Variants in ADAMTSL2 observed in about 807,000 individuals in gnomAD.
The protein encoded by ADAMTSL2 is ADAMTS like 2.
Under a neutral mutation model 117.0 loss-of-function variants are expected in ADAMTSL2, and 55 were observed. The ratio of observed to expected loss-of-function variants is 0.47; its 90% CI spans 0.38 to 0.59. The LOEUF is 0.59. Ranked by LOEUF, ADAMTSL2 falls within the 20% of genes least tolerant of loss-of-function variation. ADAMTSL2 has a pLI of 0.00. For synonymous variants in ADAMTSL2, 572 were observed against 566.4 expected (o/e 1.01, Z -0.14); for missense variants, 1,182 against 1,354.5 (o/e 0.87, Z 2.00).
intron 9 of ADAMTSL2, among the ~76,000 whole-genome samples, chr9:133,553,385 C>T (rs548796434): frequency 6.6e-6 from 1 of 152,258 alleles, no homozygotes; most frequent in East Asian, 1.9e-4. Flanking sequence ...ACGAGGGTGT[C>T]TTTCTCTGCG....
rs1344467537 is a variant in ADAMTSL2 at position 133,570,465 on chromosome 9, C to T, written c.2550C>T (p.Phe850=). The T allele has an allele frequency of 3.4e-5, 54 of 1,611,474 alleles. No homozygotes were observed. Among genetic ancestry groups the T allele is most frequent in the African/African-American group, 6.7e-5 (5 of 74,898 alleles). Residue 850 remains phenylalanine, a synonymous_variant, in exon 17 of 19, where the codon TTC becomes TTT. Coordinates refer to ENST00000651351, the MANE Select transcript of ADAMTSL2 (RefSeq NM_014694.4). ...AGCCTCCCGAGGAGAGCACGTGTTTCGAGAGGCCCTGCTTCAAGTGGTACA... is the reference window on the plus strand; with the variant it reads ...AGCCTCCCGAGGAGAGCACGTGTTTTGAGAGGCCCTGCTTCAAGTGGTACA... ...AKKPPEESTC[F]ERPCFKWYTS...
intron 17 of ADAMTSL2, among the ~76,000 whole-genome samples, chr9:133,571,673 G>T (rs1051364676): frequency 6.6e-6 from 1 of 152,132 alleles, no homozygotes; most frequent in Non-Finnish European, 1.5e-5. Context: ...TCAGCCATCC[G>T]TGCCCCTTTC....
rs1264133207 is a variant in ADAMTSL2, at chr9:133,557,021, A to AC, written c.1649+1094dup. ...GTTTGGTTTTGTTTTCTGAGGTCCA[A>AC]CCCAAGCCCTTTGACTTTAGACGCA... On this transcript the variant is annotated intron_variant, in intron 11 of 18. Coordinates refer to ENST00000651351, the MANE Select transcript of ADAMTSL2 (RefSeq NM_014694.4). The surrounding 1 kb of genome is among the most constrained non-coding windows in gnomAD (Gnocchi z 5.2). Among the ~76,000 whole-genome samples, 2 of 152,080 alleles carry AC rather than the reference A, an allele frequency of 1.3e-5. No individual in the cohort carries two copies. Among genetic ancestry groups the AC allele is most frequent in the African/African-American group, 2.4e-5 (1 of 41,410 alleles).
chr9:133,540,864 C>G lies in ADAMTSL2; in HGVS notation c.559-14C>G, dbSNP rs766404499. 1 of 1,613,394 alleles carries G rather than the reference C, an allele frequency of 6.2e-7. No homozygotes were observed. The highest frequency in any genetic ancestry group is 8.5e-7 in the Non-Finnish European group (1 of 1,179,998). ...GCGCCCTCCCAGCAGCCCTCTCCCT[C>G]TCCCTTCCTGCAGCCCATCGGCTGT... On this transcript the variant is annotated splice_polypyrimidine_tract_variant and intron_variant, in intron 6 of 18. Transcript: ENST00000651351.
chr9:133,568,484 G>A lies in ADAMTSL2; in HGVS notation c.2086G>A (p.Glu696Lys), dbSNP rs1420617815. 1.1e-5 allele frequency: 17 copies of A among 1,601,370 alleles called. No individual in the cohort carries two copies. Among genetic ancestry groups the A allele is most frequent in the Non-Finnish European group, 1.4e-5 (16 of 1,175,106 alleles). Residue 696 changes from glutamate to lysine, a missense_variant and splice_region_variant, in exon 14 of 19, where the codon GAG becomes AAG. Physicochemically the swap from Glu to Lys is moderately conservative, Grantham distance 56. Transcript: ENST00000651351. ...GPQWEMSEWSECTAKCGERSV... is the reference protein window; with the variant it reads ...GPQWEMSEWSKCTAKCGERSV... Reference sequence around the variant, plus strand: ...CCAGTGGGAGATGTCGGAGTGGTCCGAGGTGAGTGCCTGCGGGAGCAAGCC... The same window carrying A: ...CCAGTGGGAGATGTCGGAGTGGTCCAAGGTGAGTGCCTGCGGGAGCAAGCC...
Position 133,566,934 on chromosome 9 carries a change from A to G in ADAMTSL2, c.1748-2A>G. 1.7e-5 allele frequency: 27 copies of G among 1,606,314 alleles called. No individual in the cohort carries two copies. Among genetic ancestry groups the G allele is most frequent in the Non-Finnish European group, 2.3e-5 (27 of 1,177,062 alleles). On this transcript the variant is annotated splice_acceptor_variant, in intron 12 of 18. Coordinates refer to ENST00000651351, the MANE Select transcript of ADAMTSL2 (RefSeq NM_014694.4). LOFTEE classifies it high-confidence loss of function. The stretch of plus-strand genomic sequence containing the variant: ...ACAGACCCACCCCTGTCCCCAACCC[A>G]GGGGTCATGTCTGCGTACGCCATGT...
At position 133,561,280 on chromosome 9, in the gene ADAMTSL2, G is replaced by A; in HGVS notation, c.1732G>A (p.Ala578Thr). 2 of 1,598,022 alleles carry A rather than the reference G, an allele frequency of 1.3e-6. No homozygotes were observed. The highest frequency in any genetic ancestry group is 1.7e-6 in the Non-Finnish European group (2 of 1,172,562). The change falls in exon 12 of 19, where the codon GCC becomes ACC. Residue 578 changes from alanine to threonine, a missense_variant. Physicochemically the swap from Ala to Thr is moderately conservative, Grantham distance 58. This residue lies in a region of ADAMTSL2 where 465 missense variants were observed against 565.3 expected (regional missense o/e 0.82). Transcript: ENST00000651351. ...WKLSSHEPCS[A>T]TCTTGVMSAY... is the part of the protein sequence containing the mutation. ...GCTCTCGTCCCACGAGCCCTGCAGTGCCACCTGCACCACAGGTACTGGTCA... is the reference window on the plus strand; with the variant it reads ...GCTCTCGTCCCACGAGCCCTGCAGTACCACCTGCACCACAGGTACTGGTCA...
rs1465177910 is a variant in ADAMTSL2 at position 133,562,417 on chromosome 9, T to A, written c.1747+1122T>A. Among the ~76,000 whole-genome samples the A allele has an allele frequency of 2.6e-5, 4 of 151,178 alleles. No individual in the cohort carries two copies. In the East Asian group the frequency reaches 7.8e-4, roughly 29 times the overall value. ...CATCCTGGAGGGAAAAAGCAAGTGC[T>A]GTGGGCGGCGTGGCGGGCACCCGGC... On this transcript the variant is annotated intron_variant, in intron 12 of 18. Transcript: ENST00000651351.
In ADAMTSL2 at chr9:133,574,935, CT is replaced by C; in HGVS notation, c.*72del. On this transcript the variant is annotated 3_prime_UTR_variant, in exon 19 of 19. Transcript: ENST00000651351. The stretch of plus-strand genomic sequence containing the variant: ...CTGGGGCTGCTGCAGCTTCTGGGGC[CT>C]CCACAGACCCCCCTCCTGCGGGGCA... The C allele has an allele frequency of 1.6e-6, 2 of 1,214,954 alleles. No individual in the cohort carries two copies. The highest frequency in any genetic ancestry group is 1.2e-5 in the South Asian group (1 of 82,810). 75.3% of individuals were successfully genotyped at this position (1,214,954 alleles called of 1,614,324 possible). A position where few individuals can be genotyped will look rare whatever the true frequency, so the allele number is the denominator to read the frequency against.
chr9:133,549,326 G>T (rs922581357), intron 9 of ADAMTSL2, among the ~76,000 whole-genome samples: 3 of 151,984 alleles, frequency 2.0e-5, no homozygotes, highest in Non-Finnish European at 4.4e-5. Flanking sequence ...CTTCTGCGAC[G>T]CCCTCTATTT....
intron 15 of ADAMTSL2, 62 bp downstream of exon 15, chr9:133,568,820 T>C: frequency 1.9e-6 from 3 of 1,606,510 alleles, no homozygotes; most frequent in Non-Finnish European, 2.6e-6. Context: ...GAGCTTTGCC[T>C]TGATGTGCCT....
chr9:133,541,607 G>C (rs529015501), intron 7 of ADAMTSL2, among the ~76,000 whole-genome samples: 1 of 152,280 alleles, frequency 6.6e-6, no homozygotes, highest in Admixed American at 6.5e-5. Flanking sequence ...ACTTTAAAAA[G>C]GGAGAAACTA....
chr9:133,550,779 G>A (rs535017035), intron 9 of ADAMTSL2, among the ~76,000 whole-genome samples: 1 of 152,240 alleles, frequency 6.6e-6, no homozygotes, highest in South Asian at 2.1e-4. Flanking sequence ...CTTCCTCCAC[G>A]CTGATTCATT....
chr9:133,537,354 G>A (rs1403349107), intron 2 of ADAMTSL2, 51 bp from the exon 3 acceptor site: 1 of 1,328,848 alleles, frequency 7.5e-7, no homozygotes, highest in Non-Finnish European at 9.7e-7. Flanking sequence ...GGGCAGGCTG[G>A]TCCTCCTGGG....
intron 13 of ADAMTSL2, 37 bp from the exon 14 acceptor site, chr9:133,568,236 G>T (rs1316701520): frequency 9.8e-6 from 15 of 1,537,168 alleles, no homozygotes; most frequent in African/African-American, 4.1e-5. Context: ...CGGCTGCCAT[G>T]GGGGGGATCA....
intron 7 of ADAMTSL2, among the ~76,000 whole-genome samples, chr9:133,543,746 C>G (rs1385238118): frequency 6.6e-6 from 1 of 152,254 alleles, no homozygotes; most frequent in Non-Finnish European, 1.5e-5. Context: ...TCTTTCCTGT[C>G]CCAGGGCGTA....
Position 133,536,782 on chromosome 9 carries a change from A to G in ADAMTSL2, c.70A>G (p.Thr24Ala). The G allele has an allele frequency of 6.2e-7, 1 of 1,614,142 alleles. No homozygotes were observed. The highest frequency in any genetic ancestry group is 8.5e-7 in the Non-Finnish European group (1 of 1,179,998). The change falls in exon 2 of 19, where the codon ACA (threonine) becomes GCA (alanine). Residue 24 changes from threonine to alanine, a missense_variant. Thr to Ala is a moderately conservative substitution (Grantham distance 58, BLOSUM62 0). Coordinates refer to ENST00000651351, the MANE Select transcript of ADAMTSL2 (RefSeq NM_014694.4). ...GGTTCTGGCAGTTGTAGCTGGGGACACAGTGTCAACCGGGTCCACGGTGAG... is the reference window on the plus strand; with the variant it reads ...GGTTCTGGCAGTTGTAGCTGGGGACGCAGTGTCAACCGGGTCCACGGTGAG... Reference protein sequence around the residue: ...LLVLAVVAGDTVSTGSTDNSP... With the variant: ...LLVLAVVAGDAVSTGSTDNSP...
At chr9:133,541,636 C>G (rs11516157) in intron 7 of ADAMTSL2, among the ~76,000 whole-genome samples, 26,678 of 152,198 alleles carry the variant, frequency 0.18, 2,562 homozygotes, top group Non-Finnish European at 0.21. Flanking sequence ...GACCCATTCT[C>G]TCCACGGATA....
At position 133,534,730 on chromosome 9, in the gene ADAMTSL2, C is replaced by CAGGG. The variant is rs1830007150; in HGVS notation, c.-338_-337insAGGG. On this transcript the variant is annotated 5_prime_UTR_variant, in exon 1 of 19. Coordinates refer to ENST00000651351, the MANE Select transcript of ADAMTSL2 (RefSeq NM_014694.4). ...CTGGGCTGCGCCCCTCCCGGGAACC[C>CAGGG]CCTCTCTTGGATGCTCTTTGAAGTG... The CAGGG allele has an allele frequency of 7.2e-7, 1 of 1,388,042 alleles. No homozygotes were observed. Among genetic ancestry groups the CAGGG allele is most frequent in the African/African-American group, 1.5e-5 (1 of 66,020 alleles). 86.0% of individuals were successfully genotyped at this position (1,388,042 alleles called of 1,614,324 possible).
Sources: gnomAD v4.1 joint callset for allele counts (sites outside exome capture counted in the v4.1 genomes callset) on GRCh38, gnomAD v4.1.1 for gene constraint, gnomAD v4.1.1 regional missense constraint, Gnocchi (gnomAD v3.1) non-coding constraint, MANE v1.5 for transcripts, NCBI Gene and HGNC (gene_info 2026-07-23, HGNC 2026-07-21) for gene names.